TMIGD3: variants seen among roughly 807,000 people sequenced by gnomAD.
The protein encoded by TMIGD3 is AD026 protein (AD026).
TMIGD3 carries 21 observed loss-of-function variants against 28.1 expected under a neutral mutation model. The observed-to-expected ratio is 0.75, with a 90% CI of 0.53 to 1.08. TMIGD3 has a LOEUF of 1.08. Among genes scored for constraint, TMIGD3 ranks in the 50% least tolerant of loss-of-function variants. TMIGD3 has a pLI of 0.00. For synonymous variants in TMIGD3, 151 were observed against 162.1 expected (o/e 0.93, Z 0.52); for missense variants, 416 against 435.6 (o/e 0.96, Z 0.40).
chr1:111,486,319 T>A (rs1654366621), intron 4 of TMIGD3, among the ~76,000 whole-genome samples: 1 of 152,058 alleles, frequency 6.6e-6, no homozygotes, highest in Admixed American at 6.5e-5. Context: ...GAAACACCTC[T>A]CTCTCCTTAT....
At chr1:111,516,142 C>T (rs1001749272) in intron 1 of TMIGD3, among the ~76,000 whole-genome samples, 31 of 152,374 alleles carry the variant, frequency 2.0e-4, no homozygotes, top group African/African-American at 7.0e-4. Flanking sequence ...CCAGGGCAGA[C>T]GGCCCTCACC....
intron 1 of TMIGD3, among the ~76,000 whole-genome samples, chr1:111,545,221 G>T (rs1361602745): frequency 6.6e-6 from 1 of 152,032 alleles, no homozygotes; most frequent in Admixed American, 6.6e-5. Flanking sequence ...CATAGCAGCT[G>T]CACCATTTCA....
chr1:111,506,999 A>G (rs1281792855), upstream of TMIGD3, among the ~76,000 whole-genome samples: 1 of 89,096 alleles, frequency 1.1e-5, no homozygotes, highest in African/African-American at 3.4e-5. Flanking sequence ...ATACATATAT[A>G]CACACACATA....
chr1:111,534,693 G>A (rs1173004103), intron 1 of TMIGD3, among the ~76,000 whole-genome samples: 1 of 152,126 alleles, frequency 6.6e-6, no homozygotes, highest in Non-Finnish European at 1.5e-5. Context: ...GCCTCTGGGA[G>A]CACATGAATG....
intron 1 of TMIGD3, chr1:111,500,237 G>T: frequency 6.2e-7 from 1 of 1,614,120 alleles, no homozygotes; most frequent in Non-Finnish European, 8.5e-7. Context: ...TTGAACTCCC[G>T]TCCATAAAAT....
At chr1:111,541,233 C>T (rs758198697) in intron 1 of TMIGD3, among the ~76,000 whole-genome samples, 11 of 152,170 alleles carry the variant, frequency 7.2e-5, no homozygotes, top group Non-Finnish European at 1.3e-4. Flanking sequence ...TTTGGATGAA[C>T]AAGTATTTGC....
upstream of TMIGD3, chr1:111,504,910 A>G: frequency 1.0e-6 from 1 of 985,302 alleles, no homozygotes; most frequent in Non-Finnish European, 1.2e-6. Context: ...CAGACTCCCC[A>G]GACATTAAAA....
At chr1:111,493,086 G>C (rs558401694) in intron 1 of TMIGD3, among the ~76,000 whole-genome samples, 1 of 152,310 alleles carries the variant, frequency 6.6e-6, no homozygotes, top group South Asian at 2.1e-4. Context: ...GGCAGGGTAA[G>C]TGGATACAGG....
chr1:111,487,527 A>G (rs1199171637), intron 3 of TMIGD3, among the ~76,000 whole-genome samples: 3 of 152,092 alleles, frequency 2.0e-5, no homozygotes, highest in African/African-American at 7.2e-5. Context: ...AAAGGAAGAA[A>G]GAAAGGCTAG....
chr1:111,538,034 T>A (rs543367502), intron 1 of TMIGD3, among the ~76,000 whole-genome samples: 2 of 152,212 alleles, frequency 1.3e-5, no homozygotes, highest in South Asian at 4.1e-4. Flanking sequence ...TTGCTATTTG[T>A]TAACTCATAT....
At chr1:111,547,375 ATAT>A (rs1389171229) in intron 1 of TMIGD3, among the ~76,000 whole-genome samples, 2 of 151,898 alleles carry the variant, frequency 1.3e-5, no homozygotes, top group Non-Finnish European at 2.9e-5. Context: ...TATCCTATTA[ATAT>A]TATATTGATT....
At chr1:111,520,244 AT>A (rs1450789890) in intron 1 of TMIGD3, among the ~76,000 whole-genome samples, 1 of 152,204 alleles carries the variant, frequency 6.6e-6, no homozygotes, top group African/African-American at 2.4e-5. Flanking sequence ...GCTGCTACCC[AT>A]GTTAGTGAAG....
chr1:111,504,493 G>A (rs777428094), upstream of TMIGD3, among the ~76,000 whole-genome samples: 3 of 152,304 alleles, frequency 2.0e-5, no homozygotes, highest in Non-Finnish European at 2.9e-5. Context: ...ACACTTGCAC[G>A]CCATTGTTAT....
chr1:111,489,637 C>T lies in TMIGD3; in HGVS notation c.458-613G>A, dbSNP rs1057412678. On this transcript the variant is annotated intron_variant, in intron 2 of 5. Coordinates refer to ENST00000369716, the MANE Select transcript of TMIGD3 (RefSeq NM_020683.7). ...ATGGAGGCCTCCTACCATTGCTTGACGGAGGGCCTTGAAGAGCCTGAGGCT... is the reference window on the plus strand; with the variant it reads ...ATGGAGGCCTCCTACCATTGCTTGATGGAGGGCCTTGAAGAGCCTGAGGCT... 2.3e-5 allele frequency: 26 copies of T among 1,136,404 alleles called. No individual in the cohort carries two copies. In the East Asian group the frequency reaches 3.2e-4, roughly 14 times the overall value. 70.4% of individuals were successfully genotyped at this position (1,136,404 alleles called of 1,614,324 possible). A position where few individuals can be genotyped will look rare whatever the true frequency, so the allele number is the denominator to read the frequency against.
intron 1 of TMIGD3, among the ~76,000 whole-genome samples, chr1:111,532,496 A>G (rs919665374): frequency 6.6e-6 from 1 of 152,004 alleles, no homozygotes; most frequent in Non-Finnish European, 1.5e-5. Context: ...TTTTCCAGAG[A>G]CTCAGTCCCT....
rs140846873 is a variant in TMIGD3, at chr1:111,495,858, C to A, written c.351-5096G>T. Among the ~76,000 whole-genome samples the A allele has an allele frequency of 9.1e-3, 1,387 of 152,278 alleles. 8 individuals carry two copies. Among genetic ancestry groups the A allele is most frequent in the Admixed American group, 0.014 (216 of 15,306 alleles). ...AACAAGATCATGTCCTTTGCAGGAA[C>A]ATAGATGGAGCTGGAGGCCATTATC... On this transcript the variant is annotated intron_variant, in intron 1 of 5. Coordinates refer to ENST00000369716, the MANE Select transcript of TMIGD3 (RefSeq NM_020683.7).
At chr1:111,516,395 G>A (rs1452664201) in intron 1 of TMIGD3, among the ~76,000 whole-genome samples, 2 of 152,204 alleles carry the variant, frequency 1.3e-5, no homozygotes, top group Non-Finnish European at 2.9e-5. Flanking sequence ...GCCGGGCTTG[G>A]AGCACATCTC....
Position 111,535,773 on chromosome 1 carries a change from T to C in TMIGD3, c.107+28073A>G, listed in dbSNP as rs140234561. On this transcript the variant is annotated intron_variant, in intron 1 of 5. Transcript: ENST00000369717. ...CTCCAGACTCACGTAGAAATGAGTG[T>C]GTCCTGTGTGATGTCTCCAACAGAG... 8.5e-5 allele frequency among the ~76,000 whole-genome samples: 13 copies of C among 152,322 alleles called. No homozygotes were observed. In the East Asian group the frequency reaches 2.5e-3, roughly 29 times the overall value.
At chr1:111,531,649 G>A (rs1174455036) in intron 1 of TMIGD3, among the ~76,000 whole-genome samples, 1 of 152,050 alleles carries the variant, frequency 6.6e-6, no homozygotes, top group Non-Finnish European at 1.5e-5. Flanking sequence ...TGATTGGATG[G>A]CAGGCCTTGT....
Sources: gnomAD v4.1 joint callset for allele counts (sites outside exome capture counted in the v4.1 genomes callset) on GRCh38, gnomAD v4.1.1 for gene constraint, MANE v1.5 for transcripts, NCBI Gene and HGNC (gene_info 2026-07-23, HGNC 2026-07-21) for gene names.